The following CLTCL1 variants were observed in gnomAD, a reference collection of about 807,000 sequenced individuals.
CLTCL1 encodes clathrin heavy chain 2.
In CLTCL1, 159 loss-of-function variants were observed where a neutral mutation model predicts 190.0. The ratio of observed to expected loss-of-function variants is 0.84; its 90% CI spans 0.74 to 0.95. CLTCL1 has a LOEUF of 0.95. Ranked by LOEUF, CLTCL1 falls within the 40% of genes least tolerant of loss-of-function variation. The pLI is 0.00. For synonymous variants in CLTCL1, 752 were observed against 769.6 expected, an observed-to-expected ratio of 0.98 and a Z score of 0.38; for missense variants, 1,878 against 2,033.4, an observed-to-expected ratio of 0.92 and a Z score of 1.47.
At position 19,198,198 on chromosome 22, in the gene CLTCL1, A is replaced by C. The variant is rs894609807; in HGVS notation, c.3873+1536T>G. 6.6e-6 allele frequency among the ~76,000 whole-genome samples: 1 copy of C among 152,072 alleles called. No homozygotes were observed. The highest frequency in any genetic ancestry group is 2.4e-5 in the African/African-American group (1 of 41,374). The stretch of plus-strand genomic sequence containing the variant: ...ATCCTGGGCTTTTCTCTCTCACTCC[A>C]CATCAGTGCATTAGCATATCAAGGT... On this transcript the variant is annotated intron_variant, in intron 24 of 32. Transcript: ENST00000427926. This position sits in a 1 kb window ranked among gnomAD's most constrained non-coding sequence, Gnocchi z 4.1.
At chr22:19,279,710 C>A (rs1480598752) in intron 1 of CLTCL1, among the ~76,000 whole-genome samples, 8 of 152,200 alleles carry the variant, frequency 5.3e-5, no homozygotes, top group African/African-American at 1.9e-4. Flanking sequence ...TACCCCAAGC[C>A]TTTTATCTGT....
At chr22:19,238,167 G>A (rs1439177253) in intron 5 of CLTCL1, among the ~76,000 whole-genome samples, 1 of 152,132 alleles carries the variant, frequency 6.6e-6, no homozygotes, top group Non-Finnish European at 1.5e-5. Flanking sequence ...TTGCCTCACT[G>A]CACTCTCTGC....
intron 27 of CLTCL1, among the ~76,000 whole-genome samples, chr22:19,188,986 C>T (rs2084405213): frequency 6.6e-6 from 1 of 151,844 alleles, no homozygotes; most frequent in Non-Finnish European, 1.5e-5. Context: ...TCACTGCAAT[C>T]TCTGCCTCCT....
intron 26 of CLTCL1, among the ~76,000 whole-genome samples, chr22:19,192,577 C>G (rs570200684): frequency 3.5e-4 from 54 of 152,330 alleles, no homozygotes; most frequent in Admixed American, 6.5e-5. Flanking sequence ...CTGGAGCCTC[C>G]AGCACTGCTG....
intron 29 of CLTCL1, among the ~76,000 whole-genome samples, chr22:19,186,681 ACCT>A (rs1340115792): frequency 1.3e-5 from 2 of 151,760 alleles, no homozygotes; most frequent in East Asian, 3.9e-4. Context: ...GCTCACTGCA[ACCT>A]CCGCCTCCTG....
At chr22:19,280,459 T>TA (rs1296081195) in intron 1 of CLTCL1, among the ~76,000 whole-genome samples, 1 of 151,918 alleles carries the variant, frequency 6.6e-6, no homozygotes, top group Non-Finnish European at 1.5e-5. Context: ...TATTCAGCCT[T>TA]AAAAAGGAAG....
chr22:19,225,259 A>G (rs782006229), intron 13 of CLTCL1, among the ~76,000 whole-genome samples, 194 bp downstream of exon 13: 46 of 152,226 alleles, frequency 3.0e-4, no homozygotes, highest in South Asian at 6.2e-4. Flanking sequence ...GGAAATACCA[A>G]AAAGGTTACT....
At chr22:19,266,687 TA>T (rs1192994716) in intron 2 of CLTCL1, among the ~76,000 whole-genome samples, 3 of 151,912 alleles carry the variant, frequency 2.0e-5, no homozygotes, top group Non-Finnish European at 2.9e-5. Context: ...TCCAACAACA[TA>T]AAAAAACCAC....
At chr22:19,247,169 T>C (rs950893060) in intron 3 of CLTCL1, among the ~76,000 whole-genome samples, 4 of 152,222 alleles carry the variant, frequency 2.6e-5, no homozygotes. Context: ...AGTTTATTTT[T>C]GTACATGGTG....
intron 14 of CLTCL1, among the ~76,000 whole-genome samples, chr22:19,223,513 C>T (rs1022804410): frequency 1.3e-5 from 2 of 152,156 alleles, no homozygotes; most frequent in Non-Finnish European, 2.9e-5. Flanking sequence ...AGTCACCCCA[C>T]TGACCTCCAG....
Position 19,216,093 on chromosome 22 carries a change from C to T in CLTCL1, c.3065+18G>A, listed in dbSNP as rs12168290. On this transcript the variant is annotated intron_variant, in intron 19 of 32. Transcript: ENST00000427926. ...TTGAATCTGCCTGTGTCCACAGCTA[C>T]CCCTGGCATAGCCTCACCTGTGCTC... 1,675 of 1,611,796 alleles carry T rather than the reference C, an allele frequency of 1.0e-3. 10 individuals are homozygous for T. In the African/African-American group the frequency reaches 0.016, roughly 15 times the overall value.
intron 1 of CLTCL1, among the ~76,000 whole-genome samples, chr22:19,280,103 C>T (rs1243445634): frequency 6.6e-6 from 1 of 152,130 alleles, no homozygotes; most frequent in Non-Finnish European, 1.5e-5. Flanking sequence ...CAATCAGAAT[C>T]TTAACAGATT....
intron 22 of CLTCL1, among the ~76,000 whole-genome samples, chr22:19,202,850 G>A (rs782042634): frequency 6.6e-6 from 1 of 152,118 alleles, no homozygotes; most frequent in Admixed American, 6.5e-5. Flanking sequence ...CACAGTGTCC[G>A]TGGAATGTCC....
rs117575015 is a variant in CLTCL1 at position 19,181,323 on chromosome 22, C to T, written c.4828-517G>A. 9.2e-3 allele frequency: 1,450 copies of T among 157,234 alleles called. 33 individuals are homozygous for T. Among genetic ancestry groups the T allele is most frequent in the East Asian group, 0.066 (358 of 5,398 alleles). The allele number at this position is 157,234 out of a possible 1,614,324, so 9.7% of individuals were successfully genotyped here. A position where few individuals can be genotyped will look rare whatever the true frequency, so the allele number is the denominator to read the frequency against. On this transcript the variant is annotated intron_variant, in intron 30 of 32. Coordinates refer to ENST00000427926, the MANE Select transcript of CLTCL1 (RefSeq NM_007098.4). ...ACTGAGGACAAACTGCCTCCTCACT[C>T]TTCCCTGAGGCTTCACCAGGCACTG... is the stretch of plus-strand genomic sequence containing the variant.
chr22:19,261,522 A>G (rs372666055), intron 2 of CLTCL1, among the ~76,000 whole-genome samples: 71 of 152,356 alleles, frequency 4.7e-4, no homozygotes, highest in African/African-American at 1.6e-3. Flanking sequence ...AGATGCAACT[A>G]AGAACATTCG....
chr22:19,290,335 C>T (rs913094063), intron 1 of CLTCL1, among the ~76,000 whole-genome samples: 2 of 152,152 alleles, frequency 1.3e-5, no homozygotes, highest in Middle Eastern at 3.2e-3. Flanking sequence ...TCACTATCTG[C>T]CTCAGTTATC....
chr22:19,180,682 CCCTCCCTGCT>C (rs1369103184), intron 31 of CLTCL1, 39 bp downstream of exon 31: 2 of 1,591,734 alleles, frequency 1.3e-6, no homozygotes, highest in Non-Finnish European at 1.7e-6. Flanking sequence ...GACTTTGACT[CCCTCCCTGCT>C]CCCTCCCCAG....
At chr22:19,217,584 C>A (rs1459283454) in intron 18 of CLTCL1, among the ~76,000 whole-genome samples, 2 of 140,260 alleles carry the variant, frequency 1.4e-5, no homozygotes, top group Non-Finnish European at 3.0e-5. Context: ...CCACTGTACT[C>A]CAGCCTGAGT....
intron 22 of CLTCL1, among the ~76,000 whole-genome samples, chr22:19,207,070 G>A (rs2085073951): frequency 7.1e-6 from 1 of 140,774 alleles, no homozygotes; most frequent in Admixed American, 7.6e-5. Context: ...AGGCTGGAGT[G>A]TAGTGGTGCT....
Sources: gnomAD v4.1 joint callset for allele counts (sites outside exome capture counted in the v4.1 genomes callset) on GRCh38, gnomAD v4.1.1 for gene constraint, Gnocchi (gnomAD v3.1) non-coding constraint, MANE v1.5 for transcripts, NCBI Gene and HGNC (gene_info 2026-07-23, HGNC 2026-07-21) for gene names.